Variants in GRAMD2B observed in about 807,000 individuals in gnomAD.
The protein encoded by GRAMD2B is GRAM domain containing 2B.
In GRAMD2B, 41 loss-of-function variants were observed where a neutral mutation model predicts 59.2. The observed-to-expected ratio is 0.69, with a 90% CI of 0.54 to 0.90. The LOEUF (loss-of-function observed/expected upper bound fraction) is 0.90, where lower values mean the gene tolerates loss of function less well. GRAMD2B is among the 40% of genes least tolerant of loss of function. The pLI is 0.00. For missense variants in GRAMD2B, 424 were observed against 500.5 expected (o/e 0.85, Z 1.46); for synonymous variants, 161 against 182.7 (o/e 0.88, Z 0.96).
rs918079878 is a variant in GRAMD2B, at chr5:126,446,202, T to A, written c.84-19224T>A. The stretch of plus-strand genomic sequence containing the variant: ...GTATTGTGTTTATTTTTTCAAAGAA[T>A]CTTTATCTTGTAGAGTTATACACTG... On this transcript the variant is annotated intron_variant, in intron 1 of 13. Coordinates refer to ENST00000285689, the MANE Select transcript of GRAMD2B (RefSeq NM_023927.4). 1.1e-4 allele frequency among the ~76,000 whole-genome samples: 17 copies of A among 152,222 alleles called. 1 individual carries two copies. The highest frequency in any genetic ancestry group is 4.6e-4 in the Admixed American group (7 of 15,288).
At position 126,493,265 on chromosome 5, in the gene GRAMD2B, G is replaced by T. The variant is rs983155085; in HGVS notation, c.*309G>T. On this transcript the variant is annotated 3_prime_UTR_variant, in exon 14 of 14. Coordinates refer to ENST00000285689, the MANE Select transcript of GRAMD2B (RefSeq NM_023927.4). ...TCTCTTGGATAATTACCACGATGGCGTCAGCAAACACTCCACCCTGTGCCT... is the reference window on the plus strand; with the variant it reads ...TCTCTTGGATAATTACCACGATGGCTTCAGCAAACACTCCACCCTGTGCCT... The T allele has an allele frequency of 6.0e-6, 2 of 334,150 alleles. No homozygotes were observed. The highest frequency in any genetic ancestry group is 1.1e-4 in the East Asian group (2 of 17,624). The allele number at this position is 334,150 out of a possible 1,614,324, so 20.7% of individuals were successfully genotyped here.
chr5:126,492,859 C>T, intron 13 of GRAMD2B, 56 bp from the exon 14 acceptor site: 2 of 1,119,904 alleles, frequency 1.8e-6, no homozygotes, highest in Non-Finnish European at 2.7e-6. Context: ...AACAAATATG[C>T]CCTTAATATA....
chr5:126,413,726 G>C (rs1005218643), intron 1 of GRAMD2B, among the ~76,000 whole-genome samples: 3 of 152,104 alleles, frequency 2.0e-5, no homozygotes, highest in Admixed American at 2.0e-4. Flanking sequence ...TTGTGTGACT[G>C]TCTGTGTCTT....
intron 1 of GRAMD2B, among the ~76,000 whole-genome samples, chr5:126,431,292 AC>A (rs1254370512): frequency 6.6e-6 from 1 of 152,198 alleles, no homozygotes; most frequent in African/African-American, 2.4e-5. Context: ...GTATCTGCAC[AC>A]CATAGGAGAG....
At position 126,483,003 on chromosome 5, in the gene GRAMD2B, C is replaced by T. The variant is rs527793099; in HGVS notation, c.736-460C>T. On this transcript the variant is annotated intron_variant, in intron 8 of 13. Transcript: ENST00000285689. ...ACTTTCAGGGTCTAATTGGCTAAAGCCACTTTTCCTTTTCTGTTTCCAATA... is the reference window on the plus strand; with the variant it reads ...ACTTTCAGGGTCTAATTGGCTAAAGTCACTTTTCCTTTTCTGTTTCCAATA... 8.5e-5 allele frequency among the ~76,000 whole-genome samples: 13 copies of T among 152,284 alleles called. No homozygotes were observed. In the South Asian group the frequency reaches 2.7e-3, roughly 32 times the overall value.
At chr5:126,397,740 T>C (rs1484946997) in intron 1 of GRAMD2B, among the ~76,000 whole-genome samples, 1 of 152,186 alleles carries the variant, frequency 6.6e-6, no homozygotes, top group Non-Finnish European at 1.5e-5. Context: ...AATCATGATA[T>C]ATGGTCCTTT....
intron 1 of GRAMD2B, among the ~76,000 whole-genome samples, chr5:126,440,029 T>A (rs553505906): frequency 2.3e-4 from 35 of 152,294 alleles, no homozygotes; most frequent in African/African-American, 6.3e-4. Context: ...TCTTTTTTTT[T>A]AATAAATTAC....
intron 1 of GRAMD2B, among the ~76,000 whole-genome samples, chr5:126,407,415 G>T (rs564059793): frequency 2.6e-5 from 4 of 152,018 alleles, no homozygotes; most frequent in East Asian, 1.9e-4. Context: ...TTCCACCAGG[G>T]TTCATATTGA....
intron 1 of GRAMD2B, among the ~76,000 whole-genome samples, chr5:126,447,620 T>C (rs528815762): frequency 5.8e-4 from 85 of 146,464 alleles, no homozygotes; most frequent in East Asian, 1.8e-3. Flanking sequence ...GCCGAGATCG[T>C]GCCACTGCAC....
At chr5:126,470,212 A>T (rs1351759619) in intron 3 of GRAMD2B, among the ~76,000 whole-genome samples, 3 of 152,188 alleles carry the variant, frequency 2.0e-5, no homozygotes, top group African/African-American at 7.2e-5. Flanking sequence ...CAGGGTCAGG[A>T]TTCTTCTCCA....
At chr5:126,449,693 T>C (rs931714813) in intron 1 of GRAMD2B, among the ~76,000 whole-genome samples, 2 of 152,088 alleles carry the variant, frequency 1.3e-5, no homozygotes, top group African/African-American at 4.8e-5. Context: ...GTCCCATTAA[T>C]TTTTTTTAGA....
At chr5:126,360,142 G>A (rs1754155684) in exon 1 of GRAMD2B, 2 of 579,908 alleles carry the variant, frequency 3.4e-6, no homozygotes, top group East Asian at 3.1e-5. Flanking sequence ...TCTCACACAT[G>A]TGGGTTTCAA....
intron 13 of GRAMD2B, among the ~76,000 whole-genome samples, chr5:126,491,148 T>G (rs182477351): frequency 6.6e-6 from 1 of 152,186 alleles, no homozygotes; most frequent in Non-Finnish European, 1.5e-5. Flanking sequence ...TTCTCTCCTT[T>G]GTTTTAATTT....
At chr5:126,387,044 T>C (rs1346438088) in intron 1 of GRAMD2B, among the ~76,000 whole-genome samples, 1 of 152,192 alleles carries the variant, frequency 6.6e-6, no homozygotes, top group Non-Finnish European at 1.5e-5. Flanking sequence ...TAAAAAATTA[T>C]TTACTTTTAT....
chr5:126,453,577 T>C (rs1477605821), intron 1 of GRAMD2B, among the ~76,000 whole-genome samples: 4 of 152,246 alleles, frequency 2.6e-5, no homozygotes, highest in Admixed American at 6.5e-5. Flanking sequence ...GAAAAGTCCA[T>C]TGCTACCTCC....
chr5:126,419,212 G>C (rs1196497476), upstream of GRAMD2B, among the ~76,000 whole-genome samples: 1 of 152,094 alleles, frequency 6.6e-6, no homozygotes, highest in African/African-American at 2.4e-5. Flanking sequence ...GGTTCTGTGG[G>C]CAGTGCAGAC....
In GRAMD2B at chr5:126,408,035, C is replaced by T. The variant is rs111799551; in HGVS notation, c.125+36468C>T. Among the ~76,000 whole-genome samples, 393 of 151,914 alleles carry T rather than the reference C, an allele frequency of 2.6e-3. 2 individuals carry two copies. Among genetic ancestry groups the T allele is most frequent in the East Asian group, 9.1e-3 (47 of 5,148 alleles). On this transcript the variant is annotated intron_variant, in intron 1 of 8. Coordinates refer to the GRAMD2B transcript ENST00000506445. The stretch of plus-strand genomic sequence containing the variant: ...TTGCCTGATGCAGAGGTTTGGGGTA[C>T]GATTGATCTCATCACCCAGGTCCTG...
At position 126,425,696 on chromosome 5, in the gene GRAMD2B, G is replaced by A. The variant is rs550456515; in HGVS notation, c.83+2007G>A. ...TGGGAGAATCTCTTGAGCCCAGGCA[G>A]TTGAGGCTACAGTGAGCCATGTTCA... is the stretch of plus-strand genomic sequence containing the variant. On this transcript the variant is annotated intron_variant, in intron 1 of 13. Transcript: ENST00000285689. Among the ~76,000 whole-genome samples the A allele has an allele frequency of 1.4e-4, 21 of 152,304 alleles. 1 individual carries two copies. Among genetic ancestry groups the A allele is most frequent in the African/African-American group, 5.1e-4 (21 of 41,558 alleles).
At position 126,407,746 on chromosome 5, in the gene GRAMD2B, A is replaced by G. The variant is rs996070265; in HGVS notation, c.125+36179A>G. 2.6e-5 allele frequency among the ~76,000 whole-genome samples: 4 copies of G among 152,144 alleles called. No individual in the cohort carries two copies. In the East Asian group the frequency reaches 7.8e-4, roughly 29 times the overall value. ...GGGTTGCCATTAAGAGGGCTGATGAACTAAAGGAGGGCAATATTCTCAATT... is the reference window on the plus strand; with the variant it reads ...GGGTTGCCATTAAGAGGGCTGATGAGCTAAAGGAGGGCAATATTCTCAATT... On this transcript the variant is annotated intron_variant, in intron 1 of 8. Coordinates refer to the GRAMD2B transcript ENST00000506445.
Sources: gnomAD v4.1 joint callset for allele counts (sites outside exome capture counted in the v4.1 genomes callset) on GRCh38, gnomAD v4.1.1 for gene constraint, MANE v1.5 for transcripts, NCBI Gene and HGNC (gene_info 2026-07-23, HGNC 2026-07-21) for gene names.